Variants in ENTPD1 observed in about 807,000 individuals in gnomAD.
The protein encoded by ENTPD1 is ATP diphosphohydrolase.
ENTPD1 carries 33 observed loss-of-function variants against 57.0 expected under a neutral mutation model. The ratio of observed to expected loss-of-function variants is 0.58; its 90% CI spans 0.44 to 0.77. The LOEUF (loss-of-function observed/expected upper bound fraction) is 0.77, where lower values mean the gene tolerates loss of function less well. Among genes scored for constraint, ENTPD1 ranks in the 30% least tolerant of loss-of-function variants. ENTPD1 has a pLI of 0.00. For missense variants in ENTPD1, 501 were observed against 603.4 expected, an observed-to-expected ratio of 0.83 and a Z score of 1.78; for synonymous variants, 202 against 218.8, an observed-to-expected ratio of 0.92 and a Z score of 0.68.
chr10:95,706,613 TG>T, the ENTPD1 span, among the ~76,000 whole-genome samples: 1 of 152,208 alleles, frequency 6.6e-6, no homozygotes. Flanking sequence ...TGTCAGCAGA[TG>T]GTAGCTCTTC....
At chr10:95,751,608 A>G (rs1020060317), upstream of ENTPD1, among the ~76,000 whole-genome samples, 15 of 151,924 alleles carry the variant, frequency 9.9e-5, no homozygotes, top group Non-Finnish European at 1.9e-4. Flanking sequence ...CCAGCTACTC[A>G]GGAGGTGGAG....
At chr10:95,728,109 T>C (rs2097985554) in intron 1 of ENTPD1, among the ~76,000 whole-genome samples, 1 of 152,208 alleles carries the variant, frequency 6.6e-6, no homozygotes, top group Non-Finnish European at 1.5e-5. Flanking sequence ...ATTTGTTTCA[T>C]ATTTCAGTTC....
chr10:95,717,216 C>G (rs1013883421), intron 1 of ENTPD1, among the ~76,000 whole-genome samples: 1 of 152,184 alleles, frequency 6.6e-6, no homozygotes, highest in Non-Finnish European at 1.5e-5. Context: ...TTTAAGTAAG[C>G]TACAATCCCA....
At chr10:95,711,596 G>A (rs2097965622), upstream of ENTPD1, among the ~76,000 whole-genome samples, 1 of 152,048 alleles carries the variant, frequency 6.6e-6, no homozygotes, top group Non-Finnish European at 1.5e-5. Flanking sequence ...AAACTCCTGG[G>A]CCCAGCATAC....
At chr10:95,742,605 A>G (rs2139879479) in intron 1 of ENTPD1, among the ~76,000 whole-genome samples, 1 of 144,236 alleles carries the variant, frequency 6.9e-6, no homozygotes, top group South Asian at 2.2e-4. Flanking sequence ...GAATACTACT[A>G]TGTTTTCACA....
At chr10:95,734,860 T>G (rs1298119938) in intron 1 of ENTPD1, among the ~76,000 whole-genome samples, 1 of 152,188 alleles carries the variant, frequency 6.6e-6, no homozygotes, top group African/African-American at 2.4e-5. Flanking sequence ...GCTCTTTTAG[T>G]TCTCCATCTC....
intron 1 of ENTPD1, among the ~76,000 whole-genome samples, chr10:95,715,978 C>T (rs1359651735): frequency 7.2e-5 from 11 of 152,152 alleles, no homozygotes; most frequent in Admixed American, 7.2e-4. Flanking sequence ...AATCCTTCCA[C>T]CTCAGCCTCC....
rs972799682 is a variant in ENTPD1, at chr10:95,791,659, C to A, written c.17-31578C>A. On this transcript the variant is annotated intron_variant, in intron 1 of 9. Coordinates refer to ENST00000371205, the MANE Select transcript of ENTPD1 (RefSeq NM_001776.6). This position sits in a 1 kb window ranked among gnomAD's most constrained non-coding sequence, Gnocchi z 4.1. ...AATACCCATCTTTTAAACAGGATTA[C>A]CACTTGGAAGGAGTTGGACTAAGTT... 1.3e-5 allele frequency among the ~76,000 whole-genome samples: 2 copies of A among 152,136 alleles called. No individual in the cohort carries two copies. Among genetic ancestry groups the A allele is most frequent in the Non-Finnish European group, 2.9e-5 (2 of 68,030 alleles).
intron 1 of ENTPD1, among the ~76,000 whole-genome samples, chr10:95,718,390 A>C (rs576435409): frequency 2.0e-5 from 3 of 151,076 alleles, no homozygotes; most frequent in African/African-American, 7.3e-5. Context: ...CCTGCCTTGC[A>C]GCTCTTCTGG....
intron 2 of ENTPD1, among the ~76,000 whole-genome samples, chr10:95,827,857 C>G (rs2098383319): frequency 6.6e-6 from 1 of 152,190 alleles, no homozygotes; most frequent in Non-Finnish European, 1.5e-5. Context: ...TATGGCATAT[C>G]TCAATTCCAA....
At chr10:95,799,393 G>A (rs2098239446) in intron 1 of ENTPD1, among the ~76,000 whole-genome samples, 1 of 152,082 alleles carries the variant, frequency 6.6e-6, no homozygotes, top group South Asian at 2.1e-4. Context: ...AGAATATGTG[G>A]CATTTGGTTT....
rs187521701 is a variant in ENTPD1, at chr10:95,836,899, C to T, written c.145-2792C>T. ...TGCTCAAATTGAACTTTCAGTCAAGCTTTATCTGTCTCTCAAGCAGCAAAC... is the reference window on the plus strand; with the variant it reads ...TGCTCAAATTGAACTTTCAGTCAAGTTTTATCTGTCTCTCAAGCAGCAAAC... On this transcript the variant is annotated intron_variant, in intron 2 of 9. Coordinates refer to ENST00000371205, the MANE Select transcript of ENTPD1 (RefSeq NM_001776.6). Among the ~76,000 whole-genome samples, 75 of 152,296 alleles carry T rather than the reference C, an allele frequency of 4.9e-4. No homozygotes were observed. The Middle Eastern group carries it at 0.01, about 21-fold the overall frequency.
intron 1 of ENTPD1, among the ~76,000 whole-genome samples, chr10:95,713,166 A>G (rs893208034): frequency 6.6e-6 from 1 of 152,164 alleles, no homozygotes; most frequent in African/African-American, 2.4e-5. Context: ...TTGTTTATAT[A>G]GTAAAAACTT....
At chr10:95,858,288 T>C (rs957946586) in intron 7 of ENTPD1, among the ~76,000 whole-genome samples, 7 of 151,516 alleles carry the variant, frequency 4.6e-5, no homozygotes, top group Non-Finnish European at 1.0e-4. Flanking sequence ...GAATAGCAAG[T>C]GTACAGGTTC....
At chr10:95,790,042 G>C (rs1051529625) in intron 1 of ENTPD1, among the ~76,000 whole-genome samples, 1 of 152,188 alleles carries the variant, frequency 6.6e-6, no homozygotes, top group Non-Finnish European at 1.5e-5. Context: ...AGTACCACGA[G>C]TGATATTGGA....
intron 8 of ENTPD1, among the ~76,000 whole-genome samples, chr10:95,863,709 G>T (rs1009915704): frequency 6.6e-6 from 1 of 152,214 alleles, no homozygotes; most frequent in South Asian, 2.1e-4. Context: ...ACCCACGGAA[G>T]GGAGAGAAAT....
At chr10:95,729,824 A>C (rs568978840) in intron 1 of ENTPD1, among the ~76,000 whole-genome samples, 1 of 152,308 alleles carries the variant, frequency 6.6e-6, no homozygotes, top group Admixed American at 6.5e-5. Context: ...CAAAAGAGTG[A>C]CTTTACATTG....
At chr10:95,823,401 AGAG>A (rs774490518) in intron 2 of ENTPD1, 37 bp downstream of exon 2, 31 of 1,612,752 alleles carry the variant, frequency 1.9e-5, no homozygotes, top group Non-Finnish European at 2.5e-5. Flanking sequence ...TGTGTATGTA[AGAG>A]GAGATCTGGG....
intron 1 of ENTPD1, among the ~76,000 whole-genome samples, chr10:95,818,782 G>A (rs541532172): frequency 2.6e-4 from 39 of 152,302 alleles, no homozygotes; most frequent in South Asian, 1.2e-3. Context: ...TTGGAGGAAC[G>A]ACAACGCCAG....
Sources: gnomAD v4.1 joint callset for allele counts (sites outside exome capture counted in the v4.1 genomes callset) on GRCh38, gnomAD v4.1.1 for gene constraint, Gnocchi (gnomAD v3.1) non-coding constraint, MANE v1.5 for transcripts, NCBI Gene and HGNC (gene_info 2026-07-23, HGNC 2026-07-21) for gene names.